STPG2: variants seen among roughly 807,000 people sequenced by gnomAD.
The protein encoded by STPG2 is sperm tail PG-rich repeat containing 2, also known as sperm-tail PG-rich repeat-containing protein 2.
In STPG2, 56 loss-of-function variants were observed where a neutral mutation model predicts 54.2. The observed-to-expected ratio is 1.03, with a 90% confidence interval of 0.83 to 1.29. STPG2 has a LOEUF of 1.29. Ranked by LOEUF, STPG2 falls within the 50% of genes most tolerant of loss-of-function variation. The pLI, the probability that STPG2 is intolerant of heterozygous loss-of-function variation, is 0.00. For synonymous variants in STPG2, 200 were observed against 181.8 expected (o/e 1.10, Z -0.81); for missense variants, 596 against 544.9 (o/e 1.09, Z -0.93).
rs72684461 is a variant in STPG2 at position 97,684,398 on chromosome 4, G to A, written c.1320+28301C>T. ...GTGGTATCAGCTAAATAAATTAATG[G>A]AACAGAATAGGGAGCCCAGAAATAG... On this transcript the variant is annotated intron_variant, in intron 10 of 10. Coordinates refer to ENST00000295268, the MANE Select transcript of STPG2 (RefSeq NM_174952.3). Among the ~76,000 whole-genome samples, 1,150 of 151,976 alleles carry A rather than the reference G, an allele frequency of 7.6e-3. 10 individuals carry two copies. The highest frequency in any genetic ancestry group is 9.2e-3 in the Non-Finnish European group (625 of 67,828).
chr4:97,475,510 GTATATAA>G (rs1231693121), intron 4 of STPG2, among the ~76,000 whole-genome samples: 1 of 149,894 alleles, frequency 6.7e-6, no homozygotes, highest in African/African-American at 2.4e-5. Context: ...TGTAAAATAT[GTATATAA>G]TATATATGTA....
intron 10 of STPG2, among the ~76,000 whole-genome samples, chr4:97,640,061 GTTTACT>G: frequency 6.6e-6 from 1 of 152,032 alleles, no homozygotes; most frequent in African/African-American, 2.4e-5. Flanking sequence ...GTTATTTAGG[GTTTACT>G]ATGGGCTTAG....
At chr4:97,540,439 T>G (rs1315746464) in intron 4 of STPG2, among the ~76,000 whole-genome samples, 1 of 152,050 alleles carries the variant, frequency 6.6e-6, no homozygotes, top group African/African-American at 2.4e-5. Context: ...AAGTTGAATC[T>G]CTGAATAGAC....
At chr4:97,685,111 C>A (rs1272641710) in intron 10 of STPG2, among the ~76,000 whole-genome samples, 1 of 152,042 alleles carries the variant, frequency 6.6e-6, no homozygotes, top group Middle Eastern at 3.2e-3. Flanking sequence ...GGGATCCTTT[C>A]ATTGCTGATG....
intron 8 of STPG2, among the ~76,000 whole-genome samples, chr4:97,890,569 A>G (rs540527422): frequency 6.6e-6 from 1 of 152,096 alleles, no homozygotes; most frequent in South Asian, 2.1e-4. Context: ...GAAGTTGGTG[A>G]CGGGGTACAA....
intron 10 of STPG2, among the ~76,000 whole-genome samples, chr4:97,707,872 A>G (rs1224077635): frequency 3.3e-5 from 5 of 152,188 alleles, no homozygotes; most frequent in Non-Finnish European, 5.9e-5. Flanking sequence ...TTAGGTATGA[A>G]GAAACACTAA....
intron 10 of STPG2, among the ~76,000 whole-genome samples, chr4:97,612,670 C>T (rs545306885): frequency 6.6e-6 from 1 of 152,068 alleles, no homozygotes; most frequent in South Asian, 2.1e-4. Flanking sequence ...ATAGCCCAGG[C>T]GTGTGCCCAG....
intron 9 of STPG2, among the ~76,000 whole-genome samples, chr4:97,793,523 T>C (rs991748272): frequency 6.6e-6 from 1 of 151,968 alleles, no homozygotes. Context: ...CAGCTTTGAA[T>C]GAATGAGTGA....
At chr4:98,018,854 T>C (rs1165259468) in intron 5 of STPG2, among the ~76,000 whole-genome samples, 1 of 151,980 alleles carries the variant, frequency 6.6e-6, no homozygotes, top group Non-Finnish European at 1.5e-5. Context: ...TGCCCACTTT[T>C]TGATGGGGTT....
chr4:97,961,651 A>G (rs771305834), intron 7 of STPG2, among the ~76,000 whole-genome samples: 1 of 152,178 alleles, frequency 6.6e-6, no homozygotes, highest in African/African-American at 2.4e-5. Context: ...TCAAAACTAC[A>G]ATGTGATACC....
chr4:97,788,795 T>C lies in STPG2; in HGVS notation c.1204+51978A>G, dbSNP rs555630409. ...GCCCACTTTTTAATTCCTGATATTA[T>C]ATAGTTTTTGTTAATTCAATTTTAA... On this transcript the variant is annotated intron_variant, in intron 9 of 10. Coordinates refer to ENST00000295268, the MANE Select transcript of STPG2 (RefSeq NM_174952.3). Among the ~76,000 whole-genome samples, 235 of 152,232 alleles carry C rather than the reference T, an allele frequency of 1.5e-3. 1 individual carries two copies. The highest frequency in any genetic ancestry group is 5.6e-3 in the African/African-American group (232 of 41,582).
intron 8 of STPG2, among the ~76,000 whole-genome samples, chr4:97,903,232 A>T (rs185399767): frequency 6.6e-6 from 1 of 152,288 alleles, no homozygotes; most frequent in Non-Finnish European, 1.5e-5. Flanking sequence ...ATACACACAA[A>T]AAGGAAACTA....
intron 4 of STPG2, among the ~76,000 whole-genome samples, chr4:97,472,854 G>A (rs1729971857): frequency 6.6e-6 from 1 of 152,300 alleles, no homozygotes; most frequent in Admixed American, 6.5e-5. Flanking sequence ...CTGAATGGAG[G>A]AACAGGCTGA....
intron 5 of STPG2, among the ~76,000 whole-genome samples, chr4:98,020,831 G>A (rs992903569): frequency 6.6e-6 from 1 of 152,050 alleles, no homozygotes; most frequent in Non-Finnish European, 1.5e-5. Context: ...ATTCTCTGAT[G>A]GTAGTTTGTA....
At chr4:97,844,563 T>C (rs1370675120) in intron 8 of STPG2, among the ~76,000 whole-genome samples, 2 of 152,090 alleles carry the variant, frequency 1.3e-5, no homozygotes, top group Admixed American at 1.3e-4. Flanking sequence ...GTTTCCACTA[T>C]ATAAGTTTCC....
intron 4 of STPG2, among the ~76,000 whole-genome samples, chr4:97,528,511 A>C (rs1212688666): frequency 6.6e-6 from 1 of 152,174 alleles, no homozygotes; most frequent in Non-Finnish European, 1.5e-5. Context: ...TGAAATTTAA[A>C]GTATTTTTTT....
chr4:97,800,209 G>C (rs1578576183), intron 9 of STPG2, among the ~76,000 whole-genome samples: 1 of 152,176 alleles, frequency 6.6e-6, no homozygotes, highest in Admixed American at 6.5e-5. Flanking sequence ...GTCCAGCTTC[G>C]TTCCATTACT....
chr4:97,985,051 A>G (rs930174436), intron 5 of STPG2, among the ~76,000 whole-genome samples: 1 of 127,194 alleles, frequency 7.9e-6, no homozygotes, highest in Non-Finnish European at 1.8e-5. Flanking sequence ...TTAAACAAAA[A>G]TATAGTACAA....
chr4:97,533,602 G>A (rs1440919039), intron 4 of STPG2, among the ~76,000 whole-genome samples: 1 of 152,014 alleles, frequency 6.6e-6, no homozygotes, highest in Non-Finnish European at 1.5e-5. Context: ...TCCAGGTATA[G>A]GAAATTTCTG....
Sources: allele counts gnomAD v4.1 joint callset (sites outside exome capture counted in the v4.1 genomes callset), GRCh38; gene constraint gnomAD v4.1.1; transcripts MANE v1.5; gene names NCBI Gene and HGNC (gene_info 2026-07-23, HGNC 2026-07-21).